Variants in PCED1B observed in about 807,000 individuals in gnomAD.
PCED1B encodes PC-esterase domain containing 1B, also known as PC-esterase domain-containing protein 1B.
For missense variants in PCED1B, 573 were observed against 573.9 expected (o/e 1.00, Z 0.02); for synonymous variants, 251 against 246.1 (o/e 1.02, Z -0.19).
intron 2 of PCED1B, among the ~76,000 whole-genome samples, chr12:47,162,783 T>G (rs1330382396): frequency 6.6e-6 from 1 of 152,224 alleles, no homozygotes; most frequent in Admixed American, 6.5e-5. Context: ...ACCATGACCC[T>G]AATACCTTCC....
intron 2 of PCED1B, among the ~76,000 whole-genome samples, chr12:47,212,271 A>T (rs1943116135): frequency 6.6e-6 from 1 of 151,942 alleles, no homozygotes; most frequent in African/African-American, 2.4e-5. Context: ...AGAGCAAGAG[A>T]CTCTGTCTCA....
At chr12:47,231,896 C>T (rs569026599) in intron 3 of PCED1B, among the ~76,000 whole-genome samples, 6 of 152,278 alleles carry the variant, frequency 3.9e-5, no homozygotes, top group South Asian at 4.1e-4. Context: ...GAAAGGGTTT[C>T]CGTCTTCACA....
At chr12:47,180,644 A>G (rs1388164011) in intron 2 of PCED1B, among the ~76,000 whole-genome samples, 1 of 152,254 alleles carries the variant, frequency 6.6e-6, no homozygotes, top group Non-Finnish European at 1.5e-5. Flanking sequence ...AGAAACCATC[A>G]TTAGAGTGAA....
At chr12:47,230,507 G>A (rs1247516972) in intron 3 of PCED1B, among the ~76,000 whole-genome samples, 4 of 151,612 alleles carry the variant, frequency 2.6e-5, no homozygotes, top group Non-Finnish European at 4.4e-5. Context: ...GCAGTGGTGC[G>A]ATCTCAGCTC....
intron 2 of PCED1B, among the ~76,000 whole-genome samples, chr12:47,142,263 C>T (rs1365471685): frequency 1.3e-5 from 2 of 152,214 alleles, no homozygotes; most frequent in Non-Finnish European, 2.9e-5. Context: ...CATTGCCCAA[C>T]TCCAACCCCA....
intron 2 of PCED1B, among the ~76,000 whole-genome samples, chr12:47,154,929 C>A (rs1215675868): frequency 6.6e-6 from 1 of 152,078 alleles, no homozygotes; most frequent in East Asian, 1.9e-4. Flanking sequence ...TTGAAAATCT[C>A]AAACTAAGTA....
chr12:47,160,523 T>C (rs1298822391), intron 2 of PCED1B, among the ~76,000 whole-genome samples: 2 of 151,938 alleles, frequency 1.3e-5, no homozygotes, highest in African/African-American at 4.8e-5. Context: ...CTCAGGCTGG[T>C]TTGAACTCCT....
chr12:47,226,206 A>C (rs1008188155), intron 3 of PCED1B, among the ~76,000 whole-genome samples: 2 of 152,238 alleles, frequency 1.3e-5, no homozygotes, highest in Admixed American at 1.3e-4. Context: ...ACTTTAAAAA[A>C]ATTCTGTTTT....
At chr12:47,132,072 G>GCATCGAGTGGAAA (rs1308254067) in intron 2 of PCED1B, among the ~76,000 whole-genome samples, 2 of 152,180 alleles carry the variant, frequency 1.3e-5, no homozygotes, top group South Asian at 4.1e-4. Context: ...AAAGTCATTA[G>GCATCGAGTGGAAA]CATCGAGTGG....
At chr12:47,173,155 T>C (rs965706999) in intron 2 of PCED1B, among the ~76,000 whole-genome samples, 2 of 152,108 alleles carry the variant, frequency 1.3e-5, no homozygotes, top group South Asian at 4.1e-4. Context: ...CTATGGCGGG[T>C]AGTAGAAGGA....
intron 3 of PCED1B, among the ~76,000 whole-genome samples, chr12:47,222,443 AAGAG>A (rs1301636168): frequency 1.4e-5 from 2 of 147,122 alleles, no homozygotes; most frequent in South Asian, 4.3e-4. Context: ...AAAAAAAAAA[AAGAG>A]AGAGAATTGG....
intron 2 of PCED1B, among the ~76,000 whole-genome samples, chr12:47,214,345 A>T (rs939765491): frequency 6.6e-6 from 1 of 152,218 alleles, no homozygotes; most frequent in African/African-American, 2.4e-5. Flanking sequence ...GCATACTATT[A>T]AAAAAAGCTA....
At chr12:47,168,762 C>G (rs1051049864) in intron 2 of PCED1B, among the ~76,000 whole-genome samples, 2 of 152,012 alleles carry the variant, frequency 1.3e-5, no homozygotes, top group Non-Finnish European at 2.9e-5. Context: ...TGACCCAGAG[C>G]TATTAAAGTG....
At position 47,110,344 on chromosome 12, in the gene PCED1B, C is replaced by T. The variant is rs772467106; in HGVS notation, c.-526+6149C>T. 4.0e-5 allele frequency among the ~76,000 whole-genome samples: 6 copies of T among 151,672 alleles called. No homozygotes were observed. In the South Asian group the frequency reaches 6.3e-4, roughly 16 times the overall value. On this transcript the variant is annotated intron_variant, in intron 2 of 3. Coordinates refer to ENST00000546455, the MANE Select transcript of PCED1B (RefSeq NM_138371.3). ...GAGCTTTTGTCAACAAAGAGGAAAGCGCAATAGGGTTCCACTTCAATAAAT... is the reference window on the plus strand; with the variant it reads ...GAGCTTTTGTCAACAAAGAGGAAAGTGCAATAGGGTTCCACTTCAATAAAT...
chr12:47,081,408 A>G (rs1937714026), intron 1 of PCED1B, among the ~76,000 whole-genome samples: 1 of 152,222 alleles, frequency 6.6e-6, no homozygotes, highest in Non-Finnish European at 1.5e-5. Context: ...TGTTAGACCA[A>G]CACCTAATTT....
chr12:47,088,413 T>C (rs1194416728), intron 1 of PCED1B, among the ~76,000 whole-genome samples: 1 of 152,120 alleles, frequency 6.6e-6, no homozygotes, highest in African/African-American at 2.4e-5. Flanking sequence ...TGCTGCAGAC[T>C]GGAATGAGTC....
At chr12:47,104,908 C>A (rs61927669) in intron 2 of PCED1B, among the ~76,000 whole-genome samples, 5 of 152,134 alleles carry the variant, frequency 3.3e-5, no homozygotes, top group African/African-American at 7.2e-5. Context: ...GAAGCCGGCT[C>A]GCCCCGGGCT....
intron 2 of PCED1B, among the ~76,000 whole-genome samples, chr12:47,114,006 A>C (rs1349344094): frequency 6.6e-6 from 1 of 152,054 alleles, no homozygotes; most frequent in Admixed American, 6.6e-5. Context: ...GAGGTACACA[A>C]TGGGGAAACC....
chr12:47,122,655 T>G (rs968585066), intron 2 of PCED1B, among the ~76,000 whole-genome samples: 4 of 152,198 alleles, frequency 2.6e-5, no homozygotes, highest in African/African-American at 9.6e-5. Context: ...TCCTAAGGCA[T>G]TGAGCATCTT....
Sources: allele counts gnomAD v4.1 joint callset (sites outside exome capture counted in the v4.1 genomes callset), GRCh38; gene constraint gnomAD v4.1.1; transcripts MANE v1.5; gene names NCBI Gene and HGNC (gene_info 2026-07-23, HGNC 2026-07-21).